Variants in MAGI2 observed in about 807,000 individuals in gnomAD.
MAGI2 encodes the protein membrane associated guanylate kinase, WW and PDZ domain containing 2, also known as membrane-associated guanylate kinase, WW and PDZ domain-containing protein 2.
In MAGI2, 35 loss-of-function variants were observed where a neutral mutation model predicts 133.3. The ratio of observed to expected loss-of-function variants is 0.26; its 90% CI spans 0.20 to 0.35. MAGI2 has a LOEUF of 0.35. Among genes scored for constraint, MAGI2 ranks in the 10% least tolerant of loss-of-function variants. MAGI2 has a pLI of 1.00. For synonymous variants in MAGI2, 729 were observed against 710.6 expected (o/e 1.03, Z -0.41); for missense variants, 1,636 against 1,863.4 (o/e 0.88, Z 2.25).
chr7:78,110,648 T>C (rs1416170890), intron 20 of MAGI2, among the ~76,000 whole-genome samples: 1 of 152,214 alleles, frequency 6.6e-6, no homozygotes, highest in Non-Finnish European at 1.5e-5. Context: ...GCTCTACTTG[T>C]ATTTATTAAA....
chr7:78,738,632 A>T (rs1201441754), intron 2 of MAGI2, among the ~76,000 whole-genome samples: 1 of 152,222 alleles, frequency 6.6e-6, no homozygotes, highest in Non-Finnish European at 1.5e-5. Flanking sequence ...ATTTATTAGC[A>T]GTTGCTCCAG....
chr7:78,468,436 A>G (rs1392859964), intron 6 of MAGI2, among the ~76,000 whole-genome samples: 1 of 152,092 alleles, frequency 6.6e-6, no homozygotes, highest in Admixed American at 6.6e-5. Context: ...GTGTATATCA[A>G]ATATAAATTA....
intron 21 of MAGI2, among the ~76,000 whole-genome samples, chr7:78,077,301 T>C (rs1168111074): frequency 6.6e-6 from 1 of 152,188 alleles, no homozygotes; most frequent in African/African-American, 2.4e-5. Context: ...AATCAGTCAA[T>C]GCTCTAGAGT....
chr7:79,423,771 C>T (rs956163894), intron 1 of MAGI2, among the ~76,000 whole-genome samples: 2 of 151,924 alleles, frequency 1.3e-5, no homozygotes, highest in Non-Finnish European at 2.9e-5. Context: ...CTTTAGATTT[C>T]CTGTTATGTA....
At chr7:78,895,902 G>A (rs1029057304) in intron 2 of MAGI2, among the ~76,000 whole-genome samples, 8 of 152,132 alleles carry the variant, frequency 5.3e-5, no homozygotes, top group East Asian at 1.9e-4. Context: ...AAATATATAC[G>A]CATGATGGAT....
chr7:78,883,326 G>A (rs1188364542), intron 2 of MAGI2, among the ~76,000 whole-genome samples: 1 of 151,858 alleles, frequency 6.6e-6, no homozygotes, highest in Admixed American at 6.6e-5. Flanking sequence ...AACCAAGGAG[G>A]TGAAAGATTT....
intron 1 of MAGI2, among the ~76,000 whole-genome samples, chr7:79,281,233 TG>T: frequency 6.6e-6 from 1 of 152,144 alleles, no homozygotes; most frequent in Non-Finnish European, 1.5e-5. Context: ...TAAACTTTGG[TG>T]TGCATGAGAA....
intron 3 of MAGI2, chr7:78,621,148 G>A (rs1807691339): frequency 6.6e-6 from 1 of 151,906 alleles, no homozygotes; most frequent in Non-Finnish European, 1.5e-5. Context: ...GGTACTTGGA[G>A]TACCTAACTT....
chr7:78,550,372 G>T (rs976269951), intron 3 of MAGI2, among the ~76,000 whole-genome samples: 3 of 152,240 alleles, frequency 2.0e-5, no homozygotes, highest in Non-Finnish European at 2.9e-5. Flanking sequence ...CTGGCAAAAG[G>T]GCGCCAGTAC....
chr7:78,059,777 A>ATTT lies in MAGI2; in HGVS notation c.3706+19167_3706+19169dup, dbSNP rs10692094. On this transcript the variant is annotated intron_variant, in intron 21 of 21. Transcript: ENST00000354212. ...AACAATGCCATATATATATATATAT[A>ATTT]TTTTTTTTCTGGAGTCCCTACAGCA... 3.6e-3 allele frequency among the ~76,000 whole-genome samples: 522 copies of ATTT among 146,132 alleles called. 7 individuals carry two copies. Among genetic ancestry groups the ATTT allele is most frequent in the East Asian group, 0.035 (177 of 5,006 alleles).
chr7:78,037,002 G>T (rs1224086198), intron 21 of MAGI2, among the ~76,000 whole-genome samples: 1 of 151,996 alleles, frequency 6.6e-6, no homozygotes, highest in Non-Finnish European at 1.5e-5. Flanking sequence ...TCCTGCAGAA[G>T]ATGCTATGAG....
At chr7:78,547,706 A>T (rs1040170107) in intron 3 of MAGI2, among the ~76,000 whole-genome samples, 1 of 152,264 alleles carries the variant, frequency 6.6e-6, no homozygotes, top group Non-Finnish European at 1.5e-5. Flanking sequence ...CAACTCACAT[A>T]ATGTGCACAT....
intron 2 of MAGI2, among the ~76,000 whole-genome samples, chr7:78,892,153 C>T (rs1249715949): frequency 2.6e-5 from 4 of 151,986 alleles, no homozygotes; most frequent in Middle Eastern, 3.2e-3. Flanking sequence ...AATAAAATAC[C>T]CAGGAATCCA....
chr7:78,605,096 A>T (rs1225213548), intron 3 of MAGI2, among the ~76,000 whole-genome samples: 1 of 152,242 alleles, frequency 6.6e-6, no homozygotes, highest in Non-Finnish European at 1.5e-5. Flanking sequence ...CGTATTTTCA[A>T]AACATACCTC....
chr7:78,647,337 T>A (rs756709487), intron 2 of MAGI2, among the ~76,000 whole-genome samples: 41 of 152,172 alleles, frequency 2.7e-4, no homozygotes, highest in Admixed American at 4.6e-4. Flanking sequence ...GGGCAAAGGA[T>A]GTGAACAGAC....
intron 2 of MAGI2, among the ~76,000 whole-genome samples, chr7:78,713,876 A>G (rs376471790): frequency 6.6e-6 from 1 of 152,078 alleles, no homozygotes; most frequent in Non-Finnish European, 1.5e-5. Flanking sequence ...ACCATCCTTC[A>G]TCAAAAAGAT....
intron 16 of MAGI2, among the ~76,000 whole-genome samples, chr7:78,152,441 G>A (rs1301448712): frequency 6.6e-6 from 1 of 152,128 alleles, no homozygotes; most frequent in Non-Finnish European, 1.5e-5. Flanking sequence ...TATGGTCAAG[G>A]ACTTGGTACA....
intron 3 of MAGI2, among the ~76,000 whole-genome samples, chr7:78,558,114 T>C (rs775523113): frequency 3.9e-5 from 6 of 152,212 alleles, no homozygotes; most frequent in Non-Finnish European, 8.8e-5. Context: ...TATATATCAA[T>C]TGAATACAAA....
At chr7:78,566,750 A>C (rs956684628) in intron 3 of MAGI2, among the ~76,000 whole-genome samples, 1 of 152,206 alleles carries the variant, frequency 6.6e-6, no homozygotes, top group African/African-American at 2.4e-5. Flanking sequence ...CTTTTCTTCT[A>C]TAATTTCAGT....
Sources: allele counts gnomAD v4.1 joint callset (sites outside exome capture counted in the v4.1 genomes callset), GRCh38; gene constraint gnomAD v4.1.1; transcripts MANE v1.5; gene names NCBI Gene and HGNC (gene_info 2026-07-23, HGNC 2026-07-21).